NWD1: variants seen among roughly 807,000 people sequenced by gnomAD.
NWD1 encodes NACHT domain- and WD repeat-containing protein 1.
A neutral mutation model predicts 135.1 loss-of-function variants in NWD1; 129 were observed. The ratio of observed to expected loss-of-function variants is 0.96; its 90% confidence interval spans 0.83 to 1.11. NWD1 has a LOEUF of 1.11. Among genes scored for constraint, NWD1 ranks in the 50% least tolerant of loss-of-function variants. The pLI, the probability that NWD1 is intolerant of heterozygous loss-of-function variation, is 0.00. For synonymous variants in NWD1, 773 were observed against 786.0 expected, an observed-to-expected ratio of 0.98 and a Z score of 0.28; for missense variants, 1,740 against 1,851.3, an observed-to-expected ratio of 0.94 and a Z score of 1.10.
chr19:16,738,730 C>CTATATATAATATATATATTATA (rs1967943734), intron 4 of NWD1, among the ~76,000 whole-genome samples: 1 of 138,870 alleles, frequency 7.2e-6, no homozygotes, highest in Non-Finnish European at 1.5e-5. Context: ...TATATATAAT[C>CTATATATAATATATATATTATA]TATATATAAT....
chr19:16,803,419 C>G (rs1022662687), intron 17 of NWD1, among the ~76,000 whole-genome samples: 2 of 152,060 alleles, frequency 1.3e-5, no homozygotes, highest in Non-Finnish European at 2.9e-5. Flanking sequence ...GGACACAAAT[C>G]TTCAGTCCAT....
In NWD1 at chr19:16,774,466, TCCATCCAC is replaced by T. The variant is rs200588792; in HGVS notation, c.2608+1159_2608+1166del. ...ATTCATCTACTGTTCCACTGTTCCA[TCCATCCAC>T]CCATCCACCCATCCATCCATCTATC... On this transcript the variant is annotated intron_variant, in intron 11 of 18. Coordinates refer to ENST00000524140, the MANE Select transcript of NWD1 (RefSeq NM_001007525.5). Among the ~76,000 whole-genome samples, 1,217 of 151,076 alleles carry T rather than the reference TCCATCCAC, an allele frequency of 8.1e-3. 47 individuals are homozygous for T. The highest frequency in any genetic ancestry group is 0.059 in the East Asian group (299 of 5,058).
chr19:16,727,806 A>G (rs138621423), intron 2 of NWD1: 2 of 152,850 alleles, frequency 1.3e-5, no homozygotes, highest in African/African-American at 4.8e-5. Context: ...CACGCCTGTA[A>G]TCCCAGCACT....
intron 11 of NWD1, among the ~76,000 whole-genome samples, chr19:16,775,866 C>T (rs1056749042): frequency 1.3e-5 from 2 of 152,058 alleles, no homozygotes; most frequent in African/African-American, 4.8e-5. Flanking sequence ...CAGGGTTTCA[C>T]CATGTTGGCC....
chr19:16,758,197 T>C (rs530196956), intron 6 of NWD1, among the ~76,000 whole-genome samples: 1 of 152,346 alleles, frequency 6.6e-6, no homozygotes, highest in Non-Finnish European at 1.5e-5. Context: ...TGAAAGATGG[T>C]TCATGCAACC....
rs996520468 is a variant in NWD1 at position 16,806,474 on chromosome 19, C to G, written c.3737-1112C>G. 3.3e-5 allele frequency among the ~76,000 whole-genome samples: 5 copies of G among 151,930 alleles called. No homozygotes were observed. In the East Asian group the frequency reaches 9.7e-4, roughly 29 times the overall value. On this transcript the variant is annotated intron_variant, in intron 17 of 18. Transcript: ENST00000524140. ...GTGGCTCATGCCTGTAATCCCAGTA[C>G]TTTGGGAGGCAAAGGTGGGAGGATC...
rs1384103096 is a variant in NWD1, at chr19:16,797,806, C to CA, written c.3380dup (p.His1127GlnfsTer2). On this transcript the variant is annotated frameshift_variant, in exon 16 of 19. Coordinates refer to ENST00000524140, the MANE Select transcript of NWD1 (RefSeq NM_001007525.5). LOFTEE classifies it high-confidence loss of function. Reference sequence around the variant, plus strand: ...CCGATTCATGGCCATGGATCTGGAACATGAAGACATGGTGGAGACGGCTGT... The same window carrying CA: ...CCGATTCATGGCCATGGATCTGGAACAATGAAGACATGGTGGAGACGGCTGT... The CA allele has an allele frequency of 1.2e-6, 2 of 1,613,858 alleles. No homozygotes were observed. Among genetic ancestry groups the CA allele is most frequent in the Non-Finnish European group, 1.7e-6 (2 of 1,179,868 alleles).
chr19:16,745,012 A>G, intron 5 of NWD1: 1 of 584,290 alleles, frequency 1.7e-6, no homozygotes, highest in South Asian at 1.5e-5. Flanking sequence ...TGCCACTAAT[A>G]AAGGCATACT....
intron 5 of NWD1, among the ~76,000 whole-genome samples, chr19:16,747,446 G>A (rs957303994): frequency 4.6e-5 from 7 of 151,580 alleles, no homozygotes; most frequent in Admixed American, 2.0e-4. Flanking sequence ...GCACGATCAC[G>A]GCTCAGTGTG....
At chr19:16,739,343 A>T (rs948304987) in intron 4 of NWD1, among the ~76,000 whole-genome samples, 4 of 150,078 alleles carry the variant, frequency 2.7e-5, no homozygotes, top group Non-Finnish European at 5.9e-5. Context: ...AAAAAAAAAA[A>T]AAAAAAAAAA....
At chr19:16,809,037 T>C (rs1568398992) in intron 18 of NWD1, among the ~76,000 whole-genome samples, 1 of 152,058 alleles carries the variant, frequency 6.6e-6, no homozygotes, top group East Asian at 1.9e-4. Context: ...GCCTGGGTGA[T>C]AGAGCAAGGC....
Position 16,789,099 on chromosome 19 carries a change from A to T in NWD1, c.2849A>T (p.Asp950Val), listed in dbSNP as rs1970155724. 1 of 1,613,900 alleles carries T rather than the reference A, an allele frequency of 6.2e-7. No homozygotes were observed. The highest frequency in any genetic ancestry group is 1.3e-5 in the African/African-American group (1 of 75,030). ...LSGQEKFTIWDGGSKNPAEPQ... is the reference protein window; with the variant it reads ...LSGQEKFTIWVGGSKNPAEPQ... Reference sequence around the variant, plus strand: ...GGCCAGGAGAAATTTACCATTTGGGATGGAGGCTCAAAAAATCCCGCTGAA... The same window carrying T: ...GGCCAGGAGAAATTTACCATTTGGGTTGGAGGCTCAAAAAATCCCGCTGAA... The change falls in exon 13 of 19, where the codon GAT (aspartate) becomes GTT (valine). Residue 950 changes from aspartate to valine, a missense_variant. Physicochemically the swap from Asp to Val is radical, Grantham distance 152 (BLOSUM62 -3). Coordinates refer to ENST00000524140, the MANE Select transcript of NWD1 (RefSeq NM_001007525.5).
intron 4 of NWD1, among the ~76,000 whole-genome samples, chr19:16,739,205 GA>G (rs1486325712): frequency 1.2e-4 from 18 of 146,752 alleles, no homozygotes. Flanking sequence ...AAAAAAAGGA[GA>G]GAGAGGCTGA....
intron 16 of NWD1, 53 bp from the exon 17 acceptor site, chr19:16,799,833 C>T: frequency 6.6e-7 from 1 of 1,515,282 alleles, no homozygotes; most frequent in Admixed American, 2.1e-5. Context: ...TATTTCTGAA[C>T]TATAGTTGTC....
At chr19:16,738,119 C>T in intron 4 of NWD1, 1 of 366,944 alleles carries the variant, frequency 2.7e-6, no homozygotes. Flanking sequence ...CACTTGTTTA[C>T]ACATTGTTTA....
chr19:16,779,558 A>G, intron 12 of NWD1, 93 bp downstream of exon 12: 1 of 1,216,392 alleles, frequency 8.2e-7, no homozygotes, highest in Non-Finnish European at 1.2e-6. Flanking sequence ...CTCTGTATTG[A>G]AACCCTGGCC....
intron 4 of NWD1, among the ~76,000 whole-genome samples, chr19:16,743,236 G>A (rs375702849): frequency 7.1e-6 from 1 of 141,216 alleles, no homozygotes; most frequent in African/African-American, 2.7e-5. Context: ...TTAGAGACAG[G>A]GTCTCACTCT....
intron 3 of NWD1, among the ~76,000 whole-genome samples, chr19:16,731,492 A>G (rs1016149142): frequency 1.4e-5 from 2 of 147,374 alleles, no homozygotes; most frequent in African/African-American, 5.0e-5. Flanking sequence ...TTTTTAGTAG[A>G]GACGGGGTTT....
chr19:16,738,216 CT>C, intron 4 of NWD1: 1 of 454,682 alleles, frequency 2.2e-6, no homozygotes, highest in Non-Finnish European at 4.4e-6. Context: ...GACTGTCTGA[CT>C]TTTTCCAGGA....
Sources: gnomAD v4.1 joint callset for allele counts (sites outside exome capture counted in the v4.1 genomes callset) on GRCh38, gnomAD v4.1.1 for gene constraint, MANE v1.5 for transcripts, NCBI Gene and HGNC (gene_info 2026-07-23, HGNC 2026-07-21) for gene names.